USP39: variants seen among roughly 807,000 people sequenced by gnomAD.
The protein encoded by USP39 is ubiquitin specific peptidase 39, also known as ubiquitin carboxyl-terminal hydrolase 39.
USP39 carries 38 observed loss-of-function variants against 66.4 expected under a neutral mutation model. That is an observed-to-expected ratio of 0.57 (90% CI 0.44 to 0.75). The LOEUF is 0.75. Among genes scored for constraint, USP39 ranks in the 30% least tolerant of loss-of-function variants. The pLI is 0.00. For missense variants in USP39, 608 were observed against 714.4 expected, an observed-to-expected ratio of 0.85 and a Z score of 1.70; for synonymous variants, 303 against 274.6, an observed-to-expected ratio of 1.10 and a Z score of -1.02.
chr2:85,629,310 C>T (rs1675130361), intron 5 of USP39, among the ~76,000 whole-genome samples: 1 of 151,972 alleles, frequency 6.6e-6, no homozygotes, highest in African/African-American at 2.4e-5. Context: ...ATCCGCCCAC[C>T]TTGGCCTCCC....
In USP39 at chr2:85,648,779, A is replaced by G. The variant is rs1281262749; in HGVS notation, c.1669A>G (p.Asn557Asp). Reference sequence around the variant, plus strand: ...CTTACAGATTTGGAAGAGGCGAGATAATGATGAAACCAACCAGCAGGGGGC... The same window carrying G: ...CTTACAGATTTGGAAGAGGCGAGATGATGATGAAACCAACCAGCAGGGGGC... ...AYIQIWKRRD[N>D]DETNQQGA Residue 557 changes from asparagine to aspartate, a missense_variant, in exon 13 of 13, where the codon AAT becomes GAT. Transcript: ENST00000323701. 2.5e-6 allele frequency: 4 copies of G among 1,614,126 alleles called. No individual in the cohort carries two copies. Among genetic ancestry groups the G allele is most frequent in the Non-Finnish European group, 3.4e-6 (4 of 1,179,996 alleles).
At chr2:85,608,729 A>AT, upstream of USP39, 1 of 252,808 alleles carries the variant, frequency 4.0e-6, no homozygotes, top group Non-Finnish European at 7.0e-6. Flanking sequence ...AAAAAAAAAA[A>AT]GAATTCCAGA....
At position 85,647,924 on chromosome 2, in the gene USP39, C is replaced by A. The variant is rs370136654; in HGVS notation, c.1564-6C>A. On this transcript the variant is annotated splice_polypyrimidine_tract_variant and splice_region_variant and intron_variant, in intron 11 of 12. Transcript: ENST00000323701. ...AGACTAACCCAGCTCTTCATACTTT[C>A]TGCAGGGGACAGGCAAATGGTATGA... 6.2e-7 allele frequency: 1 copy of A among 1,613,934 alleles called. No individual in the cohort carries two copies. The highest frequency in any genetic ancestry group is 1.7e-5 in the Admixed American group (1 of 59,996).
At chr2:85,643,883 G>A (rs904736654) in intron 10 of USP39, among the ~76,000 whole-genome samples, 1 of 151,920 alleles carries the variant, frequency 6.6e-6, no homozygotes, top group Admixed American at 6.6e-5. Context: ...GAACTCCTGA[G>A]CTCAGGCAGT....
rs1409192284 is a variant in USP39, at chr2:85,616,351, G to A, written c.156G>A (p.Arg52=). 55 of 1,602,228 alleles carry A rather than the reference G, an allele frequency of 3.4e-5. No individual in the cohort carries two copies. Among genetic ancestry groups the A allele is most frequent in the Non-Finnish European group, 4.5e-5 (53 of 1,174,766 alleles). The change falls in exon 1 of 13, where the codon CGG becomes CGA. Residue 52 remains arginine, a synonymous_variant. Coordinates refer to ENST00000323701, the MANE Select transcript of USP39 (RefSeq NM_006590.4). ...SSRGSPVRVK[R]EFEPASAREA... ...GGGGCAGCCCTGTGCGCGTGAAGCG[G>A]GAGTTCGAGCCGGCGAGCGCGCGCG...
upstream of USP39, among the ~76,000 whole-genome samples, chr2:85,614,601 C>G (rs1254033627): frequency 6.6e-6 from 1 of 152,166 alleles, no homozygotes; most frequent in African/African-American, 2.4e-5. Flanking sequence ...AACGCATCCA[C>G]CATGGCTACA....
chr2:85,629,168 A>T (rs1445737633), intron 5 of USP39, among the ~76,000 whole-genome samples: 1 of 151,508 alleles, frequency 6.6e-6, no homozygotes, highest in Non-Finnish European at 1.5e-5. Flanking sequence ...GGTCTAAGTG[A>T]TTCTCCTGCC....
upstream of USP39, chr2:85,608,366 T>G (rs1212586537): frequency 6.6e-6 from 1 of 151,638 alleles, no homozygotes; most frequent in South Asian, 2.1e-4. Context: ...GAAGGGTAGA[T>G]CCCCAGGCCC....
intron 10 of USP39, among the ~76,000 whole-genome samples, chr2:85,643,648 CTT>C (rs34391423): frequency 0.43 from 60,155 of 139,116 alleles, 14,889 homozygotes; most frequent in African/African-American, 0.71. Flanking sequence ...CTCATATCTC[CTT>C]TTTTTTTTTT....
intron 4 of USP39, 156 bp downstream of exon 4, chr2:85,623,938 A>G (rs1202893457): frequency 3.6e-6 from 3 of 835,608 alleles, no homozygotes; most frequent in East Asian, 5.3e-5. Flanking sequence ...GAAACTGAGT[A>G]AGGTCAGAAT....
At chr2:85,631,615 T>C (rs1414155526) in intron 6 of USP39, among the ~76,000 whole-genome samples, 1 of 152,154 alleles carries the variant, frequency 6.6e-6, no homozygotes, top group Non-Finnish European at 1.5e-5. Context: ...ATTTGGTAAA[T>C]TAAACTGTAT....
At chr2:85,613,957 G>A (rs1445743678), upstream of USP39, among the ~76,000 whole-genome samples, 1 of 151,202 alleles carries the variant, frequency 6.6e-6, no homozygotes, top group Non-Finnish European at 1.5e-5. Flanking sequence ...GGAGATGGGG[G>A]GGGTCTCTCT....
chr2:85,614,103 T>C (rs1673756930), upstream of USP39, among the ~76,000 whole-genome samples: 1 of 152,086 alleles, frequency 6.6e-6, no homozygotes. Flanking sequence ...GATGGCTTCA[T>C]GGGTGTATAT....
intron 10 of USP39, among the ~76,000 whole-genome samples, chr2:85,644,648 C>T (rs1676503940): frequency 6.6e-6 from 1 of 151,872 alleles, no homozygotes; most frequent in Non-Finnish European, 1.5e-5. Flanking sequence ...GCCTTGAACT[C>T]CTGGGCTCAA....
In USP39 at chr2:85,644,927, C is replaced by T. The variant is rs201999030; in HGVS notation, c.1428-21C>T. 4 of 1,613,552 alleles carry T rather than the reference C, an allele frequency of 2.5e-6. No individual in the cohort carries two copies. In the East Asian group the frequency reaches 8.9e-5, roughly 36 times the overall value. ...CACAGCCTTTGTCTGATTATTCCGG[C>T]TTTATTTTAACCATTAACAGAAATG... On this transcript the variant is annotated intron_variant, in intron 10 of 12. Coordinates refer to ENST00000323701, the MANE Select transcript of USP39 (RefSeq NM_006590.4).
intron 5 of USP39, among the ~76,000 whole-genome samples, chr2:85,628,714 C>A (rs984761026): frequency 6.6e-6 from 1 of 152,142 alleles, no homozygotes; most frequent in African/African-American, 2.4e-5. Context: ...ACAAGATAGA[C>A]AACTGAGAAT....
intron 11 of USP39, chr2:85,645,375 C>T: frequency 4.1e-6 from 1 of 242,624 alleles, no homozygotes. Flanking sequence ...CTCCTGGGTT[C>T]AAGCAGTTCT....
At chr2:85,610,168 T>G (rs1573375044), upstream of USP39, 1 of 151,884 alleles carries the variant, frequency 6.6e-6, no homozygotes, top group Non-Finnish European at 1.5e-5. Flanking sequence ...CCGCCTGCCA[T>G]CATGCCTGGC....
chr2:85,620,472 C>G (rs1374557367), intron 2 of USP39, among the ~76,000 whole-genome samples: 1 of 150,794 alleles, frequency 6.6e-6, no homozygotes, highest in Non-Finnish European at 1.5e-5. Flanking sequence ...AAGTGAGACC[C>G]TATCTCAAAA....
Sources: gnomAD v4.1 joint callset for allele counts (sites outside exome capture counted in the v4.1 genomes callset) on GRCh38, gnomAD v4.1.1 for gene constraint, MANE v1.5 for transcripts, NCBI Gene and HGNC (gene_info 2026-07-23, HGNC 2026-07-21) for gene names.